The following MMP2 variants were observed in gnomAD, a reference collection of about 807,000 sequenced individuals.
The protein encoded by MMP2 is 72 kDa type IV collagenase.
In MMP2, 39 loss-of-function variants were observed where a neutral mutation model predicts 74.8. The ratio of observed to expected loss-of-function variants is 0.52; its 90% CI spans 0.40 to 0.68. The LOEUF (loss-of-function observed/expected upper bound fraction) is 0.68, where lower values mean the gene tolerates loss of function less well. Among genes scored for constraint, MMP2 ranks in the 30% least tolerant of loss-of-function variants. The probability of loss-of-function intolerance (pLI) is 0.00; values close to 1 mark genes in which losing one functional copy is unlikely to be tolerated. For synonymous variants in MMP2, 367 were observed against 339.8 expected, an observed-to-expected ratio of 1.08 and a Z score of -0.88; for missense variants, 803 against 878.3, an observed-to-expected ratio of 0.91 and a Z score of 1.08.
chr16:55,501,939 G>A (rs1458882321), intron 11 of MMP2, among the ~76,000 whole-genome samples: 1 of 152,122 alleles, frequency 6.6e-6, no homozygotes, highest in Non-Finnish European at 1.5e-5. Context: ...AGAGGCAAAG[G>A]AATCAACATG....
chr16:55,492,093 G>A (rs1430890658), intron 8 of MMP2, 137 bp downstream of exon 8: 7 of 809,524 alleles, frequency 8.6e-6, no homozygotes, highest in African/African-American at 8.5e-5. Context: ...GGAAATGGGA[G>A]TGTTGACCTG....
chr16:55,489,883 C>A (rs549934392), intron 7 of MMP2, 59 bp downstream of exon 7: 22 of 1,574,628 alleles, frequency 1.4e-5, no homozygotes, highest in Non-Finnish European at 1.9e-5. Context: ...CCTAAACTTG[C>A]TCCAAAAACC....
chr16:55,495,361 C>T (rs887846497), intron 9 of MMP2, among the ~76,000 whole-genome samples: 1 of 152,160 alleles, frequency 6.6e-6, no homozygotes, highest in Admixed American at 6.5e-5. Context: ...TACCACATCA[C>T]AGTTTTCTTT....
Position 55,488,592 on chromosome 16 carries a change from A to G in MMP2, c.882A>G (p.Pro294=), listed in dbSNP as rs1962318268. 1 of 1,613,962 alleles carries G rather than the reference A, an allele frequency of 6.2e-7. No individual in the cohort carries two copies. The highest frequency in any genetic ancestry group is 1.1e-5 in the South Asian group (1 of 91,024). The change falls in exon 6 of 13, where the codon CCA becomes CCG. Residue 294 remains proline (P), a synonymous_variant. Coordinates refer to ENST00000219070, the MANE Select transcript of MMP2 (RefSeq NM_004530.6). Reference sequence around the variant, plus strand: ...CTGAAGGACAGCCCTGCAAGTTTCCATTCCGCTTCCAGGGCACATCCTATG... The same window carrying G: ...CTGAAGGACAGCCCTGCAAGTTTCCGTTCCGCTTCCAGGGCACATCCTATG... ...GNAEGQPCKF[P]FRFQGTSYDS...
intron 5 of MMP2, chr16:55,488,086 A>T (rs1193182978): frequency 4.4e-6 from 1 of 225,342 alleles, no homozygotes; most frequent in Admixed American, 5.3e-5. Context: ...TTCTGTGACC[A>T]TGAGCAGTTT....
In MMP2 at chr16:55,485,617, G is replaced by A. The variant is rs1962225150; in HGVS notation, c.672G>A (p.Lys224=). ...GTCACTCTTTAGTGGTCCGTGTGAA[G>A]TATGGGAACGCCGATGGGGAGTACT... The part of the protein sequence containing the change: ...TLGEGQVVRV[K]YGNADGEYCK... Residue 224 remains lysine, a synonymous_variant, in exon 5 of 13, where the codon AAG becomes AAA. Transcript: ENST00000219070. 1 of 1,614,062 alleles carries A rather than the reference G, an allele frequency of 6.2e-7. No individual in the cohort carries two copies. Among genetic ancestry groups the A allele is most frequent in the Non-Finnish European group, 8.5e-7 (1 of 1,180,040 alleles).
chr16:55,504,380 T>C (rs1458419142), intron 12 of MMP2, among the ~76,000 whole-genome samples: 2 of 152,206 alleles, frequency 1.3e-5, no homozygotes, highest in Non-Finnish European at 2.9e-5. Context: ...CCACCTCTGG[T>C]ACATGGAATG....
intron 5 of MMP2, 92 bp from the exon 6 acceptor site, chr16:55,488,451 A>T: frequency 8.1e-7 from 1 of 1,236,730 alleles, no homozygotes; most frequent in Non-Finnish European, 1.2e-6. Flanking sequence ...CATCAACTTC[A>T]CTGGTGTGAA....
intron 10 of MMP2, 29 bp downstream of exon 10, chr16:55,497,091 T>A: frequency 6.2e-7 from 1 of 1,613,674 alleles, no homozygotes; most frequent in Non-Finnish European, 8.5e-7. Flanking sequence ...TCCTTGGCCC[T>A]CAGCTCCACA....
intron 5 of MMP2, chr16:55,487,609 G>T (rs568070610): frequency 6.6e-6 from 1 of 152,404 alleles, no homozygotes; most frequent in East Asian, 1.9e-4. Context: ...GGCTGGTGAG[G>T]TCACCTCTGG....
chr16:55,502,781 A>G lies in MMP2; in HGVS notation c.1772A>G (p.Tyr591Cys). 3 of 1,613,048 alleles carry G rather than the reference A, an allele frequency of 1.9e-6. No individual in the cohort carries two copies. Among genetic ancestry groups the G allele is most frequent in the Non-Finnish European group, 2.5e-6 (3 of 1,179,054 alleles). Reference protein sequence around the residue: ...YIFAGDKFWRYNEVKKKMDPG... With the variant: ...YIFAGDKFWRCNEVKKKMDPG... ...TCACTGTGTCTGTTTCTTTACAGATACAATGAGGTGAAGAAGAAAATGGAT... is the reference window on the plus strand; with the variant it reads ...TCACTGTGTCTGTTTCTTTACAGATGCAATGAGGTGAAGAAGAAAATGGAT... Residue 591 changes from tyrosine (Y) to cysteine (C), a missense_variant and splice_region_variant, in exon 12 of 13, where the codon TAC (tyrosine) becomes TGC (cysteine). Transcript: ENST00000219070.
intron 7 of MMP2, among the ~76,000 whole-genome samples, chr16:55,491,021 C>G (rs1273471464): frequency 6.6e-6 from 1 of 152,030 alleles, no homozygotes; most frequent in Non-Finnish European, 1.5e-5. Flanking sequence ...CCAGTCTATG[C>G]CTCTGTCATG....
At chr16:55,486,760 A>T (rs1213128767) in intron 5 of MMP2, 1 of 152,156 alleles carries the variant, frequency 6.6e-6, no homozygotes, top group East Asian at 1.9e-4. Flanking sequence ...AAGTCTAAAA[A>T]TTTTTAACAC....
At chr16:55,499,572 T>C (rs1281902482) in intron 11 of MMP2, among the ~76,000 whole-genome samples, 3 of 152,168 alleles carry the variant, frequency 2.0e-5, no homozygotes, top group African/African-American at 7.2e-5. Flanking sequence ...TGAGGGGCTA[T>C]AGTCATGACC....
chr16:55,496,849 G>GT, intron 9 of MMP2, 77 bp from the exon 10 acceptor site: 1 of 1,582,902 alleles, frequency 6.3e-7, no homozygotes, highest in South Asian at 1.1e-5. Flanking sequence ...GTTTCTGGGT[G>GT]GGTTTGGGGG....
At chr16:55,493,717 G>A (rs1567379109) in intron 9 of MMP2, among the ~76,000 whole-genome samples, 2 of 152,154 alleles carry the variant, frequency 1.3e-5, no homozygotes, top group African/African-American at 4.8e-5. Flanking sequence ...TACCCTAGAG[G>A]GTAGTACTGC....
At chr16:55,488,809 C>A (rs2142354105) in intron 6 of MMP2, 93 bp downstream of exon 6, 4 of 1,338,792 alleles carry the variant, frequency 3.0e-6, no homozygotes, top group East Asian at 5.0e-5. Context: ...ACCTCCTTTC[C>A]CCAAGACAGG....
intron 10 of MMP2, among the ~76,000 whole-genome samples, chr16:55,497,546 T>C (rs1408206049): frequency 6.6e-6 from 1 of 152,264 alleles, no homozygotes; most frequent in Non-Finnish European, 1.5e-5. Flanking sequence ...CAGTAACTGA[T>C]ATTTTGACAG....
intron 5 of MMP2, chr16:55,486,730 A>G (rs1962270763): frequency 1.3e-5 from 2 of 152,178 alleles, no homozygotes; most frequent in South Asian, 4.1e-4. Context: ...AAGCCCAGAA[A>G]ACCTGGCGAA....
Sources: gnomAD v4.1 joint callset for allele counts (sites outside exome capture counted in the v4.1 genomes callset) on GRCh38, gnomAD v4.1.1 for gene constraint, MANE v1.5 for transcripts, NCBI Gene and HGNC (gene_info 2026-07-23, HGNC 2026-07-21) for gene names.